The following ARHGEF10L variants were observed in gnomAD, a reference collection of about 807,000 sequenced individuals.
ARHGEF10L encodes rho guanine nucleotide exchange factor 10-like protein.
A neutral mutation model predicts 141.2 loss-of-function variants in ARHGEF10L; 69 were observed. The ratio of observed to expected loss-of-function variants is 0.49; its 90% CI spans 0.40 to 0.60. The LOEUF (loss-of-function observed/expected upper bound fraction) is 0.60. ARHGEF10L is among the 20% of genes least tolerant of loss of function. ARHGEF10L has a pLI of 0.00. For missense variants in ARHGEF10L, 1,482 were observed against 1,734.3 expected (o/e 0.85, Z 2.58); for synonymous variants, 711 against 718.5 (o/e 0.99, Z 0.17).
intron 20 of ARHGEF10L, 196 bp from the exon 21 acceptor site, chr1:17,640,006 G>T: frequency 6.8e-7 from 1 of 1,472,570 alleles, no homozygotes. Context: ...GGGTCATTGT[G>T]GGCGGAGGGA....
chr1:17,544,291 T>TGA (rs1553168667), intron 1 of ARHGEF10L, among the ~76,000 whole-genome samples: 3 of 150,834 alleles, frequency 2.0e-5, no homozygotes, highest in Non-Finnish European at 2.9e-5. Flanking sequence ...TATATATATA[T>TGA]AATAATTTTT....
chr1:17,610,074 G>A (rs1236127134), intron 7 of ARHGEF10L, among the ~76,000 whole-genome samples: 1 of 152,218 alleles, frequency 6.6e-6, no homozygotes, highest in Non-Finnish European at 1.5e-5. Context: ...AGGAAACCAT[G>A]CGTGTCTCTC....
chr1:17,650,569 C>T (rs2061857240), intron 22 of ARHGEF10L, among the ~76,000 whole-genome samples: 2 of 151,868 alleles, frequency 1.3e-5, no homozygotes, highest in South Asian at 4.2e-4. Flanking sequence ...CCTGTCTCTA[C>T]CAAAAATACA....
chr1:17,516,529 G>A, the ARHGEF10L span, among the ~76,000 whole-genome samples: 7 of 152,172 alleles, frequency 4.6e-5, no homozygotes, highest in Non-Finnish European at 2.9e-5. Context: ...CCTGTCCCCT[G>A]ACCTCTGCTG....
rs1300299156 is a variant in ARHGEF10L at position 17,631,073 on chromosome 1, G to T, written c.1585-1248G>T. On this transcript the variant is annotated intron_variant, in intron 15 of 28. Coordinates refer to ENST00000361221, the MANE Select transcript of ARHGEF10L (RefSeq NM_018125.4). ...GGCTCAGAGTGATCTGTCCTTTTCT[G>T]TCCTGGGGTTGCCTGGGGGTGATCT... Among the ~76,000 whole-genome samples, 4 of 146,412 alleles carry T rather than the reference G, an allele frequency of 2.7e-5. No homozygotes were observed. The East Asian group carries it at 6.1e-4, about 22-fold the overall frequency.
chr1:17,519,687 T>G, the ARHGEF10L span, among the ~76,000 whole-genome samples: 2 of 151,922 alleles, frequency 1.3e-5, no homozygotes, highest in African/African-American at 4.8e-5. Context: ...ATACAAAAAT[T>G]AGCTGGGCAT....
chr1:17,692,685 T>G lies in ARHGEF10L; in HGVS notation c.3185-2473T>G, dbSNP rs113709407. On this transcript the variant is annotated intron_variant, in intron 27 of 28. Transcript: ENST00000361221. Reference sequence around the variant, plus strand: ...TCCTCCCACTCCCACCCTCCACAACTGTAGCTAGAACGTTCCACTCAAATC... The same window carrying G: ...TCCTCCCACTCCCACCCTCCACAACGGTAGCTAGAACGTTCCACTCAAATC... 6.0e-3 allele frequency among the ~76,000 whole-genome samples: 919 copies of G among 152,274 alleles called. 8 individuals are homozygous for G. Among genetic ancestry groups the G allele is most frequent in the African/African-American group, 0.021 (865 of 41,556 alleles).
At chr1:17,691,191 G>C (rs1212422234) in intron 27 of ARHGEF10L, 1 of 450,724 alleles carries the variant, frequency 2.2e-6, no homozygotes, top group Admixed American at 2.4e-5. Context: ...TAGATGGCTT[G>C]GGTGAGTTGA....
intron 26 of ARHGEF10L, among the ~76,000 whole-genome samples, chr1:17,678,965 T>C (rs960749856): frequency 6.6e-6 from 1 of 152,250 alleles, no homozygotes; most frequent in Non-Finnish European, 1.5e-5. Flanking sequence ...GTTAACGATC[T>C]TTCTAGAAAG....
At position 17,639,988 on chromosome 1, in the gene ARHGEF10L, C is replaced by T. The variant is rs1297385050; in HGVS notation, c.2172-214C>T. ...GCTCAGCCACCCTGGCCAGGTACCT[C>T]CCTCTGGGGGTCATTGTGGGCGGAG... On this transcript the variant is annotated intron_variant, in intron 20 of 28. Transcript: ENST00000361221. This position sits in a 1 kb window ranked among gnomAD's most constrained non-coding sequence, Gnocchi z 4.3. The T allele has an allele frequency of 6.7e-7, 1 of 1,491,180 alleles. No homozygotes were observed. The allele number at this position is 1,491,180 out of a possible 1,614,324, so 92.4% of individuals were successfully genotyped here. A position where few individuals can be genotyped will look rare whatever the true frequency, so the allele number is the denominator to read the frequency against.
chr1:17,671,963 G>T (rs1485182450), intron 26 of ARHGEF10L, among the ~76,000 whole-genome samples: 1 of 152,170 alleles, frequency 6.6e-6, no homozygotes, highest in East Asian at 1.9e-4. Flanking sequence ...TGGGGGGTGG[G>T]GGCATTGCAG....
chr1:17,671,738 T>TA (rs1341176258), intron 26 of ARHGEF10L, among the ~76,000 whole-genome samples: 2 of 152,074 alleles, frequency 1.3e-5, no homozygotes, highest in Non-Finnish European at 2.9e-5. Flanking sequence ...ACCTCCTACA[T>TA]ACACCACAGC....
At chr1:17,640,023 C>T in intron 20 of ARHGEF10L, 179 bp from the exon 21 acceptor site, 1 of 1,468,924 alleles carries the variant, frequency 6.8e-7, no homozygotes, top group Non-Finnish European at 9.0e-7. Flanking sequence ...GGGATTCCTC[C>T]CCCAGGGGAC....
chr1:17,597,564 C>T (rs1165612908), intron 4 of ARHGEF10L, among the ~76,000 whole-genome samples: 1 of 152,204 alleles, frequency 6.6e-6, no homozygotes, highest in Non-Finnish European at 1.5e-5. Flanking sequence ...CTGGGAAGCC[C>T]TTTCCCCATC....
intron 1 of ARHGEF10L, among the ~76,000 whole-genome samples, chr1:17,556,038 G>A (rs554767730): frequency 6.6e-6 from 1 of 151,408 alleles, no homozygotes; most frequent in Non-Finnish European, 1.5e-5. Context: ...TTAGGTTAGG[G>A]CAGCCTGGGA....
chr1:17,663,791 G>A (rs374543275), intron 25 of ARHGEF10L, among the ~76,000 whole-genome samples: 1 of 152,152 alleles, frequency 6.6e-6, no homozygotes, highest in East Asian at 1.9e-4. Context: ...CTCGTGAAGG[G>A]TAGAGATGTG....
intron 9 of ARHGEF10L, 71 bp downstream of exon 9, chr1:17,616,273 C>T: frequency 2.3e-6 from 3 of 1,281,180 alleles, no homozygotes; most frequent in Non-Finnish European, 3.4e-6. Flanking sequence ...TGGGATTTTG[C>T]TTTACACCCC....
chr1:17,620,464 G>A (rs985126035), intron 10 of ARHGEF10L, among the ~76,000 whole-genome samples: 1 of 152,212 alleles, frequency 6.6e-6, no homozygotes, highest in African/African-American at 2.4e-5. Context: ...GGAGTTACTT[G>A]GCCCCAGATG....
chr1:17,574,126 C>T (rs923787140), intron 1 of ARHGEF10L, among the ~76,000 whole-genome samples: 1 of 152,084 alleles, frequency 6.6e-6, no homozygotes, highest in Non-Finnish European at 1.5e-5. Context: ...CCCTGACCCA[C>T]CCACTCCCCT....
Sources: allele counts gnomAD v4.1 joint callset (sites outside exome capture counted in the v4.1 genomes callset), GRCh38; gene constraint gnomAD v4.1.1; non-coding constraint Gnocchi (gnomAD v3.1); transcripts MANE v1.5; gene names NCBI Gene and HGNC (gene_info 2026-07-23, HGNC 2026-07-21).